KCNK9: variants seen among roughly 807,000 people sequenced by gnomAD.
KCNK9 encodes potassium channel subfamily K member 9.
Under a neutral mutation model 10.8 loss-of-function variants are expected in KCNK9, and 1 was observed. The observed-to-expected ratio is 0.09, with a 90% CI of 0.03 to 0.44. The LOEUF is 0.44. KCNK9 is among the 20% of genes least tolerant of loss of function. KCNK9 has a pLI of 0.97. For missense variants in KCNK9, 303 were observed against 515.0 expected, an observed-to-expected ratio of 0.59 and a Z score of 3.98; for synonymous variants, 231 against 222.7, an observed-to-expected ratio of 1.04 and a Z score of -0.33.
intron 2 of KCNK9, among the ~76,000 whole-genome samples, chr8:139,602,586 C>G (rs1817398328): frequency 6.6e-6 from 1 of 152,230 alleles, no homozygotes; most frequent in Non-Finnish European, 1.5e-5. Flanking sequence ...ATGATAGGAA[C>G]TGCTTAGCAC....
chr8:139,671,807 T>C (rs1816433974), intron 1 of KCNK9, among the ~76,000 whole-genome samples: 1 of 152,182 alleles, frequency 6.6e-6, no homozygotes, highest in East Asian at 1.9e-4. Context: ...GTGATCCACC[T>C]GCCTCAGCCT....
chr8:139,669,015 C>T (rs1458924504), intron 1 of KCNK9, among the ~76,000 whole-genome samples: 1 of 152,122 alleles, frequency 6.6e-6, no homozygotes, highest in Admixed American at 6.5e-5. Context: ...CTCAGTGCAT[C>T]CAAAAGTTCT....
chr8:139,663,463 C>T (rs773355751), intron 1 of KCNK9, among the ~76,000 whole-genome samples: 9 of 152,008 alleles, frequency 5.9e-5, no homozygotes, highest in Non-Finnish European at 1.2e-4. Context: ...ATCCCTGGCG[C>T]GAAAGACAGT....
chr8:139,695,512 A>T (rs11166921), intron 1 of KCNK9, among the ~76,000 whole-genome samples: 1 of 151,994 alleles, frequency 6.6e-6, no homozygotes, highest in South Asian at 2.1e-4. Flanking sequence ...CGGTGAGTGC[A>T]CTGACCTAAA....
intron 1 of KCNK9, among the ~76,000 whole-genome samples, chr8:139,632,497 C>T (rs1162660430): frequency 1.3e-5 from 2 of 152,328 alleles, no homozygotes; most frequent in African/African-American, 2.4e-5. Flanking sequence ...ATGTGACCTC[C>T]TCCTGCTCCT....
At position 139,619,017 on chromosome 8, in the gene KCNK9, C is replaced by T. The variant is rs1457963355; in HGVS notation, c.366G>A (p.Leu122=). The T allele has an allele frequency of 6.2e-7, 1 of 1,614,232 alleles. No individual in the cohort carries two copies. The highest frequency in any genetic ancestry group is 1.1e-5 in the South Asian group (1 of 91,076). Residue 122 remains leucine (L), a synonymous_variant, in exon 2 of 2, where the codon CTG becomes CTA. Transcript: ENST00000520439. ...FYAVLGIPLT[L]VMFQSLGERM... ...GCTCGCCCAGGCTCTGGAACATGAC[C>T]AGTGTCAGCGGGATGCCCAGCACGG...
downstream of KCNK9, among the ~76,000 whole-genome samples, chr8:139,615,274 C>G (rs138380575): frequency 2.0e-5 from 3 of 152,296 alleles, no homozygotes; most frequent in African/African-American, 7.2e-5. Flanking sequence ...CCTCAATGTC[C>G]TCGTCTGAAA....
At chr8:139,614,145 T>C (rs981110696), downstream of KCNK9, among the ~76,000 whole-genome samples, 3 of 152,146 alleles carry the variant, frequency 2.0e-5, no homozygotes, top group Admixed American at 1.3e-4. Context: ...CAAGTGATTG[T>C]CAGTGAGAAT....
intron 1 of KCNK9, among the ~76,000 whole-genome samples, chr8:139,635,576 T>C (rs1301152774): frequency 1.3e-5 from 2 of 152,180 alleles, no homozygotes; most frequent in Non-Finnish European, 2.9e-5. Context: ...AGAAAAGAAA[T>C]GGAAAAAGCC....
chr8:139,644,457 T>TATTC (rs1815608027), intron 1 of KCNK9, among the ~76,000 whole-genome samples: 2 of 152,144 alleles, frequency 1.3e-5, no homozygotes, highest in African/African-American at 4.8e-5. Flanking sequence ...GCTGAAACCA[T>TATTC]ATTCCAGGGT....
chr8:139,687,483 CATATATACACATATAT>C (rs1221849071), intron 1 of KCNK9, among the ~76,000 whole-genome samples: 24 of 66,076 alleles, frequency 3.6e-4, no homozygotes, highest in African/African-American at 1.2e-3. Flanking sequence ...TATATGTATA[CATATATACACATATAT>C]ACATATATAT....
rs936351736 is a variant in KCNK9 at position 139,619,193 on chromosome 8, A to G, written c.284-94T>C. ...GGTCGACTTGGTGCAGTGCAGTGCAATGCAGAGGGACCTGGTACTGGGGGA... is the reference window on the plus strand; with the variant it reads ...GGTCGACTTGGTGCAGTGCAGTGCAGTGCAGAGGGACCTGGTACTGGGGGA... On this transcript the variant is annotated intron_variant, in intron 1 of 1. Coordinates refer to ENST00000520439, the MANE Select transcript of KCNK9 (RefSeq NM_001282534.2). The G allele has an allele frequency of 7.4e-6, 10 of 1,342,848 alleles. No individual in the cohort carries two copies. The African/African-American group carries it at 1.4e-4, about 19-fold the overall frequency. 83.2% of individuals were successfully genotyped at this position (1,342,848 alleles called of 1,614,324 possible).
At chr8:139,637,760 T>TACACACACACACACATACACACAC (rs1815381963) in intron 1 of KCNK9, among the ~76,000 whole-genome samples, 1 of 146,098 alleles carries the variant, frequency 6.8e-6, no homozygotes, top group Non-Finnish European at 1.5e-5. Context: ...ATTCCTACTC[T>TACACACACACACACATACACACAC]ACACACACAC....
At chr8:139,650,609 C>A (rs139044599) in intron 1 of KCNK9, among the ~76,000 whole-genome samples, 29 of 152,292 alleles carry the variant, frequency 1.9e-4, no homozygotes, top group African/African-American at 6.3e-4. Context: ...CATATCCCCT[C>A]TCCACTCCAG....
intron 1 of KCNK9, among the ~76,000 whole-genome samples, chr8:139,664,347 GCT>G (rs1489478675): frequency 1.3e-5 from 2 of 152,134 alleles, no homozygotes; most frequent in East Asian, 3.9e-4. Flanking sequence ...CCAGGGAGCT[GCT>G]CTGTCTCCCG....
chr8:139,622,579 T>C (rs1814824191), intron 1 of KCNK9, among the ~76,000 whole-genome samples: 1 of 152,142 alleles, frequency 6.6e-6, no homozygotes, highest in Non-Finnish European at 1.5e-5. Flanking sequence ...TGTTAATAGC[T>C]CTCCACTGGT....
chr8:139,619,152 G>A, intron 1 of KCNK9, 53 bp from the exon 2 acceptor site: 1 of 1,606,244 alleles, frequency 6.2e-7, no homozygotes, highest in South Asian at 1.1e-5. Flanking sequence ...GGGGTCTAGA[G>A]GTTGGGGGAA....
At chr8:139,664,906 G>A (rs1183296777) in intron 1 of KCNK9, among the ~76,000 whole-genome samples, 1 of 151,932 alleles carries the variant, frequency 6.6e-6, no homozygotes, top group East Asian at 1.9e-4. Context: ...GGGAGGGAAA[G>A]ATAACCCTCC....
intron 1 of KCNK9, among the ~76,000 whole-genome samples, chr8:139,673,861 C>T (rs959269076): frequency 6.6e-6 from 1 of 152,154 alleles, no homozygotes; most frequent in Non-Finnish European, 1.5e-5. Flanking sequence ...AGCATCCCAC[C>T]TGCTCCCTGG....
Sources: gnomAD v4.1 joint callset for allele counts (sites outside exome capture counted in the v4.1 genomes callset) on GRCh38, gnomAD v4.1.1 for gene constraint, MANE v1.5 for transcripts, NCBI Gene and HGNC (gene_info 2026-07-23, HGNC 2026-07-21) for gene names.